The following TANGO6 variants were observed in gnomAD, a reference collection of about 807,000 sequenced individuals.
The protein encoded by TANGO6 is transport and golgi organization 6 homolog.
Under a neutral mutation model 114.2 loss-of-function variants are expected in TANGO6, and 90 were observed. The observed-to-expected ratio is 0.79, with a 90% CI of 0.66 to 0.94. TANGO6 has a LOEUF of 0.94. Among genes scored for constraint, TANGO6 ranks in the 40% least tolerant of loss-of-function variants. The probability of loss-of-function intolerance (pLI) is 0.00; values close to 1 mark genes in which losing one functional copy is unlikely to be tolerated. For synonymous variants in TANGO6, 477 were observed against 509.8 expected (o/e 0.94, Z 0.87); for missense variants, 1,274 against 1,315.3 (o/e 0.97, Z 0.49).
chr16:68,982,630 C>CTTTTTTTTTTTTTTTATTTTTTTTTTTTT (rs1963848474), intron 15 of TANGO6, among the ~76,000 whole-genome samples: 1 of 105,338 alleles, frequency 9.5e-6, no homozygotes, highest in Admixed American at 9.4e-5. Flanking sequence ...ATGCCCTGGC[C>CTTTTTTTTTTTTTTTATTTTTTTTTTTTT]TTTTTTTTTT....
At chr16:69,001,294 A>G (rs1204557090) in intron 15 of TANGO6, among the ~76,000 whole-genome samples, 1 of 152,202 alleles carries the variant, frequency 6.6e-6, no homozygotes, top group Admixed American at 6.5e-5. Flanking sequence ...AAAGTCATAG[A>G]AATAGTTTAT....
At chr16:69,041,758 C>T (rs1033207502) in intron 17 of TANGO6, among the ~76,000 whole-genome samples, 1 of 152,196 alleles carries the variant, frequency 6.6e-6, no homozygotes, top group African/African-American at 2.4e-5. Context: ...CTGCTATGAG[C>T]ATGTTCAACT....
chr16:69,077,580 G>A (rs1391297611), intron 17 of TANGO6, among the ~76,000 whole-genome samples: 1 of 152,130 alleles, frequency 6.6e-6, no homozygotes, highest in Non-Finnish European at 1.5e-5. Flanking sequence ...ATCCCACCCA[G>A]CACTTTGGGA....
intron 8 of TANGO6, among the ~76,000 whole-genome samples, chr16:68,901,590 G>A (rs1266810728): frequency 6.6e-6 from 1 of 152,156 alleles, no homozygotes; most frequent in African/African-American, 2.4e-5. Flanking sequence ...CTGAGTTCAG[G>A]CGATTCTCCT....
chr16:68,892,939 AT>A (rs1483893517), intron 7 of TANGO6, among the ~76,000 whole-genome samples: 1 of 152,106 alleles, frequency 6.6e-6, no homozygotes, highest in Non-Finnish European at 1.5e-5. Context: ...ATATCTTGGT[AT>A]TTTGTTTGGG....
At chr16:68,872,967 T>C (rs1435027301) in intron 4 of TANGO6, among the ~76,000 whole-genome samples, 1 of 151,956 alleles carries the variant, frequency 6.6e-6, no homozygotes, top group Non-Finnish European at 1.5e-5. Context: ...CCTCCCAAAG[T>C]GCTGGGATTA....
chr16:68,865,329 C>T (rs748047800), intron 3 of TANGO6, among the ~76,000 whole-genome samples: 19 of 151,452 alleles, frequency 1.3e-4, no homozygotes, highest in Non-Finnish European at 1.0e-4. Context: ...AGTGTTCTAG[C>T]CCAAAATAAG....
At position 69,034,073 on chromosome 16, in the gene TANGO6, A is replaced by G. The variant is rs559573574; in HGVS notation, c.2995-6235A>G. ...TGATGGCCACATCAGTTTAAGTGTTAAGTGCTCCAAGGAGGTTACTACTGC... is the reference window on the plus strand; with the variant it reads ...TGATGGCCACATCAGTTTAAGTGTTGAGTGCTCCAAGGAGGTTACTACTGC... On this transcript the variant is annotated intron_variant, in intron 16 of 17. Transcript: ENST00000261778. 9.8e-5 allele frequency: 15 copies of G among 153,264 alleles called. No individual in the cohort carries two copies. In the South Asian group the frequency reaches 2.6e-3, roughly 26 times the overall value. The allele number at this position is 153,264 out of a possible 1,614,324, so 9.5% of individuals were successfully genotyped here.
At chr16:68,923,499 G>A (rs1360905255) in intron 12 of TANGO6, among the ~76,000 whole-genome samples, 2 of 152,192 alleles carry the variant, frequency 1.3e-5, no homozygotes, top group Non-Finnish European at 2.9e-5. Context: ...GGTTGAGTCA[G>A]TTCCTGTGCT....
chr16:68,859,860 T>C (rs1054375350), intron 1 of TANGO6, 24 bp from the exon 2 acceptor site: 2 of 1,534,438 alleles, frequency 1.3e-6, no homozygotes, highest in Non-Finnish European at 1.7e-6. Flanking sequence ...GTGTATAAAC[T>C]CTCCTTTTTT....
intron 1 of TANGO6, among the ~76,000 whole-genome samples, chr16:68,854,306 C>T (rs566177572): frequency 6.6e-6 from 1 of 152,128 alleles, no homozygotes; most frequent in African/African-American, 2.4e-5. Context: ...ATTAGTCAAG[C>T]ATGGTGGCAC....
chr16:69,062,468 ATT>A (rs1208841614), intron 17 of TANGO6, among the ~76,000 whole-genome samples: 6 of 151,812 alleles, frequency 4.0e-5, no homozygotes, highest in African/African-American at 1.5e-4. Context: ...TTTAATTTTA[ATT>A]TTTATTTATT....
chr16:68,940,090 C>T (rs77572834), intron 14 of TANGO6, among the ~76,000 whole-genome samples: 7,380 of 149,912 alleles, frequency 0.049, 215 homozygotes, highest in Non-Finnish European at 0.07. Flanking sequence ...TTCTCTCTCT[C>T]TCTCCTTCCT....
intron 14 of TANGO6, chr16:68,973,243 C>T (rs1325950280): frequency 4.6e-6 from 2 of 432,028 alleles, no homozygotes; most frequent in Non-Finnish European, 9.1e-6. Context: ...ATCCTGGAAC[C>T]CCTATTTCTA....
Position 68,980,383 on chromosome 16 carries a change from T to TTCTCTCTC in TANGO6, c.2842+6235_2842+6242dup, listed in dbSNP as rs143061953. On this transcript the variant is annotated intron_variant, in intron 15 of 17. Coordinates refer to ENST00000261778, the MANE Select transcript of TANGO6 (RefSeq NM_024562.2). ...TGAGTATGAATCTATCTGTCTGTCA[T>TTCTCTCTC]TCTCTCTCTCTCTCTCTCTCTCTCT... Among the ~76,000 whole-genome samples, 114 of 36,840 alleles carry TTCTCTCTC rather than the reference T, an allele frequency of 3.1e-3. 7 individuals carry two copies. The highest frequency in any genetic ancestry group is 0.028 in the South Asian group (24 of 856). 24.2% of individuals were successfully genotyped at this position (36,840 alleles called of 152,430 possible).
chr16:68,906,466 C>T (rs1380861063), intron 9 of TANGO6, among the ~76,000 whole-genome samples: 1 of 152,134 alleles, frequency 6.6e-6, no homozygotes. Flanking sequence ...TACTTTGCAG[C>T]CTTCTCTTTC....
At chr16:69,019,695 C>CTTATT (rs1465870086) in intron 15 of TANGO6, among the ~76,000 whole-genome samples, 2 of 151,136 alleles carry the variant, frequency 1.3e-5, no homozygotes, top group East Asian at 3.9e-4. Flanking sequence ...TTCTTTTCTC[C>CTTATT]TTATTTTATT....
At chr16:68,926,715 G>A (rs1490167862) in intron 12 of TANGO6, among the ~76,000 whole-genome samples, 1 of 151,560 alleles carries the variant, frequency 6.6e-6, no homozygotes, top group Non-Finnish European at 1.5e-5. Flanking sequence ...TTTAGTAGAG[G>A]TGGGGTTTCG....
At chr16:69,053,794 TG>T (rs1959990362) in intron 17 of TANGO6, among the ~76,000 whole-genome samples, 1 of 152,202 alleles carries the variant, frequency 6.6e-6, no homozygotes, top group South Asian at 2.1e-4. Context: ...CCAGGCACGG[TG>T]GCTCACGCCT....
Sources: allele counts gnomAD v4.1 joint callset (sites outside exome capture counted in the v4.1 genomes callset), GRCh38; gene constraint gnomAD v4.1.1; transcripts MANE v1.5; gene names NCBI Gene and HGNC (gene_info 2026-07-23, HGNC 2026-07-21).